Variants in TBCK observed in about 807,000 individuals in gnomAD.
TBCK encodes the protein TBC1 domain containing kinase.
TBCK carries 99 observed loss-of-function variants against 113.4 expected under a neutral mutation model. The observed-to-expected ratio is 0.87, with a 90% confidence interval of 0.74 to 1.03. The LOEUF is 1.03. TBCK is among the 50% of genes least tolerant of loss of function. TBCK has a pLI of 0.00. For missense variants in TBCK, 1,045 were observed against 1,061.3 expected, an observed-to-expected ratio of 0.98 and a Z score of 0.21; for synonymous variants, 369 against 370.8, an observed-to-expected ratio of 1.00 and a Z score of 0.05.
Position 106,247,263 on chromosome 4 carries a change from CTTCA to C in TBCK, c.803_806del (p.Met268ArgfsTer26), listed in dbSNP as rs771481304. The C allele has an allele frequency of 1.6e-4, 265 of 1,611,924 alleles. No homozygotes were observed. Among genetic ancestry groups the C allele is most frequent in the Non-Finnish European group, 2.2e-4 (258 of 1,178,650 alleles). On this transcript the variant is annotated frameshift_variant, in exon 10 of 26. Transcript: ENST00000394708. LOFTEE classifies it high-confidence loss of function. ...GTGATACCTCACTGAATACTTTGTC[CTTCA>C]TTAATTGATCTGGGGTTGGCCTTGA...
chr4:106,160,586 GA>G (rs1195174523), intron 23 of TBCK, among the ~76,000 whole-genome samples: 2 of 149,994 alleles, frequency 1.3e-5, no homozygotes, highest in African/African-American at 2.5e-5. Flanking sequence ...AAAAAAAGAA[GA>G]AAAAAAGAAA....
Position 106,045,376 on chromosome 4 carries a change from T to C in TBCK, c.*1194A>G, listed in dbSNP as rs1371519145. 1 of 152,188 alleles carries C rather than the reference T, an allele frequency of 6.6e-6. No homozygotes were observed. The highest frequency in any genetic ancestry group is 6.5e-5 in the Admixed American group (1 of 15,270). 9.4% of individuals were successfully genotyped at this position (152,188 alleles called of 1,614,324 possible). ...TTTTTCTTTGTGGTACCTAAAATTGTGAGATGTCTTAGATTTAATGAAATA... is the reference window on the plus strand; with the variant it reads ...TTTTTCTTTGTGGTACCTAAAATTGCGAGATGTCTTAGATTTAATGAAATA... On this transcript the variant is annotated 3_prime_UTR_variant, in exon 26 of 26. Coordinates refer to ENST00000394708, the MANE Select transcript of TBCK (RefSeq NM_001163435.3).
chr4:106,148,593 T>C (rs1436899218), intron 23 of TBCK, among the ~76,000 whole-genome samples: 1 of 152,204 alleles, frequency 6.6e-6, no homozygotes, highest in Middle Eastern at 3.2e-3. Context: ...CAGTAATATT[T>C]TGAAAGAAAT....
chr4:106,247,230 A>G lies in TBCK; in HGVS notation c.840T>C (p.Tyr280=), dbSNP rs1760925250. The change falls in exon 10 of 26, where the codon TAT becomes TAC. Residue 280 remains tyrosine, a synonymous_variant. Coordinates refer to ENST00000394708, the MANE Select transcript of TBCK (RefSeq NM_001163435.3). The part of the protein sequence containing the change: ...DKVFSEVSPL[Y]TPFTKPASLF... ...GACTGGCAGGTTTGGTAAAGGGGGTATATAAAGGTGATACCTCACTGAATA... is the reference window on the plus strand; with the variant it reads ...GACTGGCAGGTTTGGTAAAGGGGGTGTATAAAGGTGATACCTCACTGAATA... 4 of 1,612,956 alleles carry G rather than the reference A, an allele frequency of 2.5e-6. No homozygotes were observed. The highest frequency in any genetic ancestry group is 1.3e-5 in the African/African-American group (1 of 74,888).
At chr4:106,128,291 T>C (rs925058628) in intron 23 of TBCK, among the ~76,000 whole-genome samples, 2 of 152,222 alleles carry the variant, frequency 1.3e-5, no homozygotes, top group Non-Finnish European at 1.5e-5. Context: ...AACACTTAAT[T>C]AGAATGAAAC....
At chr4:106,188,603 T>C (rs886566968) in intron 22 of TBCK, among the ~76,000 whole-genome samples, 2 of 152,168 alleles carry the variant, frequency 1.3e-5, no homozygotes, top group Non-Finnish European at 2.9e-5. Flanking sequence ...GCAGCTCTGC[T>C]ATAGAGAAAG....
chr4:106,263,720 G>C (rs866678764), intron 3 of TBCK, among the ~76,000 whole-genome samples: 7 of 151,674 alleles, frequency 4.6e-5, no homozygotes, highest in Non-Finnish European at 8.8e-5. Flanking sequence ...AATAATTGTT[G>C]CAACCTGATT....
chr4:106,080,508 T>C (rs1049315304), intron 25 of TBCK, among the ~76,000 whole-genome samples: 2 of 152,148 alleles, frequency 1.3e-5, no homozygotes, highest in Admixed American at 1.3e-4. Context: ...TTTTACCATA[T>C]ACAAAAACTG....
intron 23 of TBCK, among the ~76,000 whole-genome samples, chr4:106,129,186 G>T (rs1185137251): frequency 1.3e-5 from 2 of 152,134 alleles, no homozygotes; most frequent in East Asian, 3.8e-4. Flanking sequence ...AGGACGTGCA[G>T]GTTTGTTACA....
At chr4:106,098,547 T>G (rs1376342595) in intron 24 of TBCK, among the ~76,000 whole-genome samples, 1 of 152,068 alleles carries the variant, frequency 6.6e-6, no homozygotes, top group African/African-American at 2.4e-5. Context: ...ATTAGAATTT[T>G]TTATGACATA....
chr4:106,050,846 TGG>T (rs1292121519), intron 25 of TBCK, among the ~76,000 whole-genome samples: 1 of 151,916 alleles, frequency 6.6e-6, no homozygotes, highest in East Asian at 1.9e-4. Context: ...GTACTCCATG[TGG>T]GGAGGGCAAA....
chr4:106,137,760 T>C (rs1164108017), intron 23 of TBCK, among the ~76,000 whole-genome samples: 2 of 140,260 alleles, frequency 1.4e-5, no homozygotes, highest in African/African-American at 5.0e-5. Context: ...TACATGAATA[T>C]GAAATATAAA....
At chr4:106,230,493 T>A in intron 18 of TBCK, 47 bp from the exon 19 acceptor site, 1 of 1,163,724 alleles carries the variant, frequency 8.6e-7, no homozygotes, top group Non-Finnish European at 1.3e-6. Flanking sequence ...GTTAACAGGG[T>A]AGATGACCAT....
intron 20 of TBCK, among the ~76,000 whole-genome samples, chr4:106,201,027 C>T (rs557808299): frequency 6.6e-6 from 1 of 151,462 alleles, no homozygotes; most frequent in South Asian, 2.1e-4. Context: ...TGTTATATAC[C>T]TATACTTTGA....
chr4:106,114,641 G>A (rs35363222), intron 24 of TBCK, among the ~76,000 whole-genome samples: 1,655 of 152,188 alleles, frequency 0.011, 17 homozygotes, highest in Non-Finnish European at 0.017. Context: ...TCCGTTGTTC[G>A]GCCAGGGTCT....
At chr4:106,104,151 C>T (rs1741870859) in intron 24 of TBCK, among the ~76,000 whole-genome samples, 1 of 152,300 alleles carries the variant, frequency 6.6e-6, no homozygotes, top group East Asian at 1.9e-4. Context: ...GTAGCTGCAG[C>T]TTTGGCAAAG....
At chr4:106,057,977 G>T (rs1275941215) in intron 25 of TBCK, among the ~76,000 whole-genome samples, 2 of 151,704 alleles carry the variant, frequency 1.3e-5, no homozygotes, top group African/African-American at 2.4e-5. Flanking sequence ...CTTGACACTA[G>T]TGTTTTTTCT....
Position 106,295,085 on chromosome 4 carries a change from A to T in TBCK, c.266+9T>A, listed in dbSNP as rs889223846. Reference sequence around the variant, plus strand: ...CTTTTCATTTAATTGTTCTGATACTATACAGTACCTCACAGGTTTCCTTTC... The same window carrying T: ...CTTTTCATTTAATTGTTCTGATACTTTACAGTACCTCACAGGTTTCCTTTC... On this transcript the variant is annotated intron_variant, in intron 3 of 25. Coordinates refer to ENST00000394708, the MANE Select transcript of TBCK (RefSeq NM_001163435.3). 6.2e-7 allele frequency: 1 copy of T among 1,608,738 alleles called. No homozygotes were observed. Among genetic ancestry groups the T allele is most frequent in the Non-Finnish European group, 8.5e-7 (1 of 1,176,588 alleles).
chr4:106,250,148 C>T (rs1182787669), intron 7 of TBCK, among the ~76,000 whole-genome samples: 3 of 152,066 alleles, frequency 2.0e-5, no homozygotes, highest in African/African-American at 4.8e-5. Context: ...TTTGATTTCA[C>T]AAGTTAATTT....
Sources: gnomAD v4.1 joint callset for allele counts (sites outside exome capture counted in the v4.1 genomes callset) on GRCh38, gnomAD v4.1.1 for gene constraint, MANE v1.5 for transcripts, NCBI Gene and HGNC (gene_info 2026-07-23, HGNC 2026-07-21) for gene names.